Variants in FBXW7 observed in about 807,000 individuals in gnomAD.
FBXW7 encodes F-box and WD repeat domain containing 7.
In FBXW7, 11 loss-of-function variants were observed where a neutral mutation model predicts 86.3. The observed-to-expected ratio is 0.13, with a 90% CI of 0.08 to 0.21. The LOEUF (loss-of-function observed/expected upper bound fraction) is 0.21, where lower values mean the gene tolerates loss of function less well. FBXW7 is among the 10% of genes least tolerant of loss of function. FBXW7 has a pLI of 1.00. For missense variants in FBXW7, 488 were observed against 847.4 expected (o/e 0.58, Z 5.27); for synonymous variants, 313 against 297.9 (o/e 1.05, Z -0.52).
intron 2 of FBXW7, among the ~76,000 whole-genome samples, chr4:152,531,572 GAA>G (rs745845035): frequency 5.9e-5 from 6 of 102,124 alleles, no homozygotes; most frequent in South Asian, 3.0e-4. Context: ...AGTTTAAAAG[GAA>G]AAAAAAAAAA....
chr4:152,410,244 A>C (rs776359914), intron 4 of FBXW7, among the ~76,000 whole-genome samples: 1 of 152,188 alleles, frequency 6.6e-6, no homozygotes, highest in Non-Finnish European at 1.5e-5. Flanking sequence ...AGAGATGTTA[A>C]AACTCCCTTT....
rs139467579 is a variant in FBXW7, at chr4:152,488,753, G to C, written c.-120+46188C>G. Among the ~76,000 whole-genome samples the C allele has an allele frequency of 5.7e-4, 86 of 152,050 alleles. 1 individual carries two copies. The East Asian group carries it at 0.016, about 28-fold the overall frequency. ...TTTCCCATAAAAACCAATCTGTATAGAAGTCTGTGCTATCTTCTATTAAAC... is the reference window on the plus strand; with the variant it reads ...TTTCCCATAAAAACCAATCTGTATACAAGTCTGTGCTATCTTCTATTAAAC... On this transcript the variant is annotated intron_variant, in intron 2 of 13. Transcript: ENST00000281708.
intron 2 of FBXW7, among the ~76,000 whole-genome samples, chr4:152,483,095 G>T (rs1037366100): frequency 6.6e-6 from 1 of 151,896 alleles, no homozygotes; most frequent in South Asian, 2.1e-4. Context: ...TATTTTGTTG[G>T]AATATTATTA....
Position 152,535,336 on chromosome 4 carries a change from G to A in FBXW7, c.-422C>T, listed in dbSNP as rs945735616. 1 of 346,626 alleles carries A rather than the reference G, an allele frequency of 2.9e-6. No individual in the cohort carries two copies. Among genetic ancestry groups the A allele is most frequent in the Non-Finnish European group, 5.2e-6 (1 of 193,316 alleles). The allele number at this position is 346,626 out of a possible 1,614,324, so 21.5% of individuals were successfully genotyped here. ...GAGGGGGGCTCTAGGAACTCCTCCC[G>A]GAGTCCAGCCAAGGAGCCGGGGGGC... On this transcript the variant is annotated 5_prime_UTR_variant, in exon 1 of 14. Coordinates refer to ENST00000281708, the MANE Select transcript of FBXW7 (RefSeq NM_001349798.2).
intron 2 of FBXW7, among the ~76,000 whole-genome samples, chr4:152,413,375 C>A (rs34637826): frequency 0.016 from 2,435 of 152,060 alleles, 75 homozygotes; most frequent in African/African-American, 0.056. Context: ...GTTTTCTTGG[C>A]AACTGGACAT....
intron 2 of FBXW7, among the ~76,000 whole-genome samples, chr4:152,519,089 G>A (rs775280553): frequency 5.9e-5 from 9 of 152,138 alleles, no homozygotes; most frequent in Admixed American, 1.3e-4. Flanking sequence ...ACGAGGTCAG[G>A]AGATCGAGAC....
At chr4:152,344,406 T>TAA (rs1319642811) in intron 6 of FBXW7, among the ~76,000 whole-genome samples, 12 of 152,154 alleles carry the variant, frequency 7.9e-5, no homozygotes, top group African/African-American at 2.4e-4. Flanking sequence ...AAAATGTATA[T>TAA]AATACTATAC....
intron 2 of FBXW7, among the ~76,000 whole-genome samples, chr4:152,504,035 T>C (rs1747191472): frequency 1.3e-5 from 2 of 152,238 alleles, no homozygotes; most frequent in Non-Finnish European, 2.9e-5. Flanking sequence ...TACTCTAATG[T>C]CAACTCTGAT....
At chr4:152,463,844 C>T (rs1743180198) in intron 2 of FBXW7, among the ~76,000 whole-genome samples, 1 of 152,000 alleles carries the variant, frequency 6.6e-6, no homozygotes, top group Admixed American at 6.6e-5. Flanking sequence ...AAGCTTCAAC[C>T]CAATTTATAT....
chr4:152,506,426 C>G (rs923141604), intron 2 of FBXW7, among the ~76,000 whole-genome samples: 1 of 152,170 alleles, frequency 6.6e-6, no homozygotes, highest in African/African-American at 2.4e-5. Flanking sequence ...CCACCGCGCC[C>G]GGCCATGTGC....
At chr4:152,362,642 T>C (rs1733082634) in intron 4 of FBXW7, among the ~76,000 whole-genome samples, 1 of 151,946 alleles carries the variant, frequency 6.6e-6, no homozygotes, top group Non-Finnish European at 1.5e-5. Flanking sequence ...CTGGCCAAGA[T>C]GGTGAAACCC....
chr4:152,411,027 C>T (rs539686077), intron 4 of FBXW7: 33 of 402,260 alleles, frequency 8.2e-5, no homozygotes, highest in East Asian at 1.3e-4. Context: ...AATCCCTGCC[C>T]GGGACGCAAG....
chr4:152,417,063 G>A (rs1738498799), intron 2 of FBXW7, among the ~76,000 whole-genome samples: 1 of 151,994 alleles, frequency 6.6e-6, no homozygotes. Flanking sequence ...CACTGTTACT[G>A]TGCTCCATCG....
At chr4:152,442,391 G>GT (rs1389967131) in intron 2 of FBXW7, among the ~76,000 whole-genome samples, 5 of 152,176 alleles carry the variant, frequency 3.3e-5, no homozygotes, top group African/African-American at 7.2e-5. Flanking sequence ...GGCTTCCCAA[G>GT]TAACTCTTCA....
chr4:152,331,154 C>G (rs991532021), intron 8 of FBXW7, among the ~76,000 whole-genome samples: 4 of 152,010 alleles, frequency 2.6e-5, no homozygotes, highest in African/African-American at 9.7e-5. Context: ...AATGGTGCAG[C>G]TGCTGTGGAA....
chr4:152,421,096 G>C (rs1256285664), intron 2 of FBXW7, among the ~76,000 whole-genome samples: 1 of 152,040 alleles, frequency 6.6e-6, no homozygotes. Context: ...TAGATAACAT[G>C]CTGCAGCAGC....
chr4:152,352,840 C>G, intron 4 of FBXW7: 1 of 1,519,532 alleles, frequency 6.6e-7, no homozygotes, highest in Non-Finnish European at 8.8e-7. Context: ...CAGATTCCTC[C>G]CTCAGCAGCA....
At chr4:152,436,832 C>T (rs555927323) in intron 2 of FBXW7, among the ~76,000 whole-genome samples, 1 of 152,328 alleles carries the variant, frequency 6.6e-6, no homozygotes, top group South Asian at 2.1e-4. Context: ...CTTTACTAGA[C>T]ATTTTAAGCC....
chr4:152,532,944 T>C (rs1373858608), intron 2 of FBXW7, among the ~76,000 whole-genome samples: 2 of 152,208 alleles, frequency 1.3e-5, no homozygotes. Context: ...CCCAGCACTT[T>C]GGGAGGCCGA....
Sources: allele counts gnomAD v4.1 joint callset (sites outside exome capture counted in the v4.1 genomes callset), GRCh38; gene constraint gnomAD v4.1.1; transcripts MANE v1.5; gene names NCBI Gene and HGNC (gene_info 2026-07-23, HGNC 2026-07-21).